PREX2: variants seen among roughly 807,000 people sequenced by gnomAD.
PREX2 encodes the protein phosphatidylinositol-3,4,5-trisphosphate dependent Rac exchange factor 2.
In PREX2, 107 loss-of-function variants were observed where a neutral mutation model predicts 203.2. That is an observed-to-expected ratio of 0.53 (90% confidence interval 0.45 to 0.62). PREX2 has a LOEUF of 0.62. PREX2 is among the 20% of genes least tolerant of loss of function. PREX2 has a pLI of 0.00. For missense variants in PREX2, 1,777 were observed against 1,955.9 expected (o/e 0.91, Z 1.72); for synonymous variants, 672 against 663.6 (o/e 1.01, Z -0.19).
At chr8:68,014,002 A>G (rs6980865) in intron 1 of PREX2, among the ~76,000 whole-genome samples, 65,356 of 152,082 alleles carry the variant, frequency 0.43, 17,105 homozygotes, top group African/African-American at 0.74. Context: ...ACTGATGAAA[A>G]GAGTGGGAAG....
rs1286168399 is a variant in PREX2 at position 67,952,363 on chromosome 8, G to C, written c.-32G>C. ...CGCGCGGGTCAGCGCTCAGCACGGC[G>C]GGCAGCGCCGCGCTGCGCACCGCCG... On this transcript the variant is annotated 5_prime_UTR_variant, in exon 1 of 40. Coordinates refer to ENST00000288368, the MANE Select transcript of PREX2 (RefSeq NM_024870.4). 5 of 1,499,690 alleles carry C rather than the reference G, an allele frequency of 3.3e-6. No individual in the cohort carries two copies. The highest frequency in any genetic ancestry group is 4.4e-6 in the Non-Finnish European group (5 of 1,126,646). 92.9% of individuals were successfully genotyped at this position (1,499,690 alleles called of 1,614,324 possible).
rs562403153 is a variant in PREX2, at chr8:68,146,465, T to C, written c.4231+113T>C. The stretch of plus-strand genomic sequence containing the variant: ...TTTTTAAATTAATTTGAAAATATTA[T>C]TTAGCCAATATATTTGCTTCTGGGA... On this transcript the variant is annotated intron_variant, in intron 34 of 39. Coordinates refer to ENST00000288368, the MANE Select transcript of PREX2 (RefSeq NM_024870.4). 5 of 950,254 alleles carry C rather than the reference T, an allele frequency of 5.3e-6. No homozygotes were observed. The East Asian group carries it at 1.4e-4, about 26-fold the overall frequency. 58.9% of individuals were successfully genotyped at this position (950,254 alleles called of 1,614,324 possible).
At chr8:68,015,108 C>G (rs183660231) in intron 1 of PREX2, among the ~76,000 whole-genome samples, 1 of 152,160 alleles carries the variant, frequency 6.6e-6, no homozygotes, top group African/African-American at 2.4e-5. Flanking sequence ...ATTTTTGTGA[C>G]TAGGCTACTA....
intron 38 of PREX2, among the ~76,000 whole-genome samples, chr8:68,222,136 T>C (rs1358692858): frequency 6.6e-6 from 1 of 152,012 alleles, no homozygotes; most frequent in Admixed American, 6.6e-5. Flanking sequence ...GATGTATGAG[T>C]ATGTTTGTAT....
At chr8:68,111,048 G>T in intron 25 of PREX2, 1 of 288,472 alleles carries the variant, frequency 3.5e-6, no homozygotes, top group Non-Finnish European at 6.9e-6. Context: ...TTTAGGATAT[G>T]ATATTTTACT....
At position 68,039,082 on chromosome 8, in the gene PREX2, A is replaced by G. The variant is rs1435723032; in HGVS notation, c.839+790A>G. ...ATTCTGACTCCAAACATTGTCGAAG[A>G]TCTCTTATCTCAAATTTTAAAAGTC... On this transcript the variant is annotated intron_variant, in intron 7 of 39. Coordinates refer to ENST00000288368, the MANE Select transcript of PREX2 (RefSeq NM_024870.4). Among the ~76,000 whole-genome samples, 16 of 152,124 alleles carry G rather than the reference A, an allele frequency of 1.1e-4. No individual in the cohort carries two copies. In the East Asian group the frequency reaches 3.1e-3, roughly 29 times the overall value.
At chr8:67,994,216 T>C (rs1214436956) in intron 1 of PREX2, among the ~76,000 whole-genome samples, 2 of 152,148 alleles carry the variant, frequency 1.3e-5, no homozygotes, top group Non-Finnish European at 2.9e-5. Context: ...TAAACTTAAT[T>C]CTCAGAAACG....
At chr8:68,156,766 A>T (rs1449918100) in intron 34 of PREX2, among the ~76,000 whole-genome samples, 9 of 151,858 alleles carry the variant, frequency 5.9e-5, no homozygotes, top group East Asian at 3.9e-4. Flanking sequence ...AAAGCACCAT[A>T]AAAAAAAGGG....
chr8:68,030,927 G>A (rs573439296), intron 6 of PREX2, among the ~76,000 whole-genome samples: 1 of 152,210 alleles, frequency 6.6e-6, no homozygotes, highest in Non-Finnish European at 1.5e-5. Context: ...TAGCATTTAT[G>A]CATCATGATG....
chr8:67,968,670 A>G (rs1463419937), intron 1 of PREX2, among the ~76,000 whole-genome samples: 2 of 152,176 alleles, frequency 1.3e-5, no homozygotes, highest in African/African-American at 4.8e-5. Flanking sequence ...TTACCACAGA[A>G]AGTTGAAATC....
intron 1 of PREX2, among the ~76,000 whole-genome samples, chr8:67,972,910 G>A (rs1805966244): frequency 6.6e-6 from 1 of 152,036 alleles, no homozygotes; most frequent in Admixed American, 6.6e-5. Flanking sequence ...AACTCAACAT[G>A]TGCAAAACTA....
intron 1 of PREX2, among the ~76,000 whole-genome samples, chr8:67,988,202 C>G (rs1806492876): frequency 6.6e-6 from 1 of 152,190 alleles, no homozygotes; most frequent in Admixed American, 6.5e-5. Flanking sequence ...AAATTCTGGT[C>G]AGCCTCTTCC....
Position 68,109,443 on chromosome 8 carries a change from A to T in PREX2, c.2966A>T (p.Gln989Leu). The change falls in exon 25 of 40, where the codon CAG becomes CTG. Residue 989 changes from glutamine (Q) to leucine (L), a missense_variant. By Grantham distance (113) the Gln-to-Leu change is moderately radical (BLOSUM62 -2). Transcript: ENST00000288368. ...AAACTGAGCCCTATGGTGTACATTC[A>T]GCACACCATCACAACCATGGCGGCC... ...QGKLSPMVYI[Q>L]HTITTMAAPS... The T allele has an allele frequency of 6.2e-7, 1 of 1,613,872 alleles. No homozygotes were observed. The highest frequency in any genetic ancestry group is 1.1e-5 in the South Asian group (1 of 91,072).
chr8:68,078,780 T>C (rs1018341120), intron 15 of PREX2, among the ~76,000 whole-genome samples: 45 of 141,422 alleles, frequency 3.2e-4, no homozygotes, highest in African/African-American at 1.1e-3. Context: ...AAAGTTTCAA[T>C]TTTTTTTCTT....
rs139420019 is a variant in PREX2, at chr8:68,040,303, G to A, written c.839+2011G>A. On this transcript the variant is annotated intron_variant, in intron 7 of 39. Coordinates refer to ENST00000288368, the MANE Select transcript of PREX2 (RefSeq NM_024870.4). ...AGCCTCCCAAAGTGCTGGGACTATA[G>A]GCGTGAGCCACCGTGCTTGGCCCCA... Among the ~76,000 whole-genome samples, 95 of 152,116 alleles carry A rather than the reference G, an allele frequency of 6.2e-4. 1 individual carries two copies. In the Middle Eastern group the frequency reaches 0.01, roughly 16 times the overall value.
At chr8:68,089,290 A>G (rs1349338520) in intron 19 of PREX2, among the ~76,000 whole-genome samples, 1 of 152,102 alleles carries the variant, frequency 6.6e-6, no homozygotes, top group Non-Finnish European at 1.5e-5. Flanking sequence ...ACTACTCAGC[A>G]TTTTTAAAAA....
intron 1 of PREX2, among the ~76,000 whole-genome samples, chr8:67,988,691 C>T (rs867950394): frequency 2.6e-5 from 4 of 152,160 alleles, no homozygotes; most frequent in South Asian, 2.1e-4. Flanking sequence ...GAGTCTTGGG[C>T]GTAAGTTAGG....
Position 67,952,414 on chromosome 8 carries a change from G to C in PREX2, c.20G>C (p.Gly7Ala). The C allele has an allele frequency of 6.4e-7, 1 of 1,567,496 alleles. No individual in the cohort carries two copies. The highest frequency in any genetic ancestry group is 8.6e-7 in the Non-Finnish European group (1 of 1,157,706). ...CCGACCATGAGCGAGGACAGCCGCG[G>C]AGACAGCCGCGCCGAGAGCGCCAAG... is the stretch of plus-strand genomic sequence containing the variant. Reference protein sequence around the residue: MSEDSRGDSRAESAKDL... With the variant: MSEDSRADSRAESAKDL... Residue 7 changes from glycine to alanine, a missense_variant, in exon 1 of 40, where the codon GGA (glycine) becomes GCA (alanine). Transcript: ENST00000288368.
At chr8:68,108,892 G>C (rs1290767056) in intron 24 of PREX2, 3 of 243,750 alleles carry the variant, frequency 1.2e-5, no homozygotes, top group Non-Finnish European at 2.5e-5. Flanking sequence ...CCTGTCATTT[G>C]TGACAACATA....
Sources: gnomAD v4.1 joint callset for allele counts (sites outside exome capture counted in the v4.1 genomes callset) on GRCh38, gnomAD v4.1.1 for gene constraint, MANE v1.5 for transcripts, NCBI Gene and HGNC (gene_info 2026-07-23, HGNC 2026-07-21) for gene names.